DEPDC5: variants seen among roughly 807,000 people sequenced by gnomAD.
DEPDC5 encodes the protein GATOR1 complex protein DEPDC5.
In DEPDC5, 73 loss-of-function variants were observed where a neutral mutation model predicts 217.3. The ratio of observed to expected loss-of-function variants is 0.34; its 90% CI spans 0.28 to 0.41. DEPDC5 has a LOEUF of 0.41. DEPDC5 is among the 10% of genes least tolerant of loss of function. The probability of loss-of-function intolerance (pLI) is 1.00; values close to 1 mark genes in which losing one functional copy is unlikely to be tolerated. For synonymous variants in DEPDC5, 733 were observed against 756.7 expected, an observed-to-expected ratio of 0.97 and a Z score of 0.51; for missense variants, 1,675 against 2,070.1, an observed-to-expected ratio of 0.81 and a Z score of 3.70.
intron 38 of DEPDC5, among the ~76,000 whole-genome samples, chr22:31,881,740 G>A (rs1352677822): frequency 6.6e-6 from 1 of 152,134 alleles, no homozygotes; most frequent in Non-Finnish European, 1.5e-5. Context: ...GAGGTCAGGA[G>A]TTTGAGACCA....
intron 5 of DEPDC5, 102 bp from the exon 6 acceptor site, chr22:31,766,483 C>CT: frequency 8.6e-7 from 1 of 1,166,988 alleles, no homozygotes; most frequent in South Asian, 1.3e-5. Flanking sequence ...CAGTAGTTTT[C>CT]TTTTTTGCAA....
chr22:31,879,862 GGCCGTCACACA>G, intron 38 of DEPDC5, 110 bp downstream of exon 38: 5 of 1,085,578 alleles, frequency 4.6e-6, no homozygotes, highest in Non-Finnish European at 5.3e-6. Context: ...GAGTCGCTGA[GGCCGTCACACA>G]GGCCACTGTG....
intron 7 of DEPDC5, among the ~76,000 whole-genome samples, chr22:31,775,320 CAGG>C (rs2083728617): frequency 6.6e-6 from 1 of 152,070 alleles, no homozygotes; most frequent in Admixed American, 6.6e-5. Context: ...GCTGGGATTA[CAGG>C]CACCTGCCAC....
chr22:31,802,682 G>T (rs1349014817), intron 14 of DEPDC5, 22 bp from the exon 15 acceptor site: 1 of 1,527,126 alleles, frequency 6.5e-7, no homozygotes, highest in East Asian at 2.4e-5. Context: ...TCATTATTGT[G>T]GAATTTTTGT....
At chr22:31,812,161 A>T (rs2088444819) in intron 20 of DEPDC5, among the ~76,000 whole-genome samples, 1 of 148,778 alleles carries the variant, frequency 6.7e-6, no homozygotes. Flanking sequence ...GCTAATTTTT[A>T]TATTTTTTAG....
At chr22:31,879,476 A>C (rs749507935) in intron 37 of DEPDC5, 49 bp from the exon 38 acceptor site, 1 of 1,557,376 alleles carries the variant, frequency 6.4e-7, no homozygotes, top group South Asian at 1.1e-5. Flanking sequence ...TCATGAAGAA[A>C]ATAAGCATTT....
chr22:31,814,902 G>T, intron 20 of DEPDC5, 90 bp from the exon 21 acceptor site: 1 of 1,432,108 alleles, frequency 7.0e-7, no homozygotes, highest in South Asian at 1.2e-5. Flanking sequence ...TGGGTTCCAT[G>T]TGGCTTGGGC....
chr22:31,843,055 A>G, intron 27 of DEPDC5, 40 bp from the exon 28 acceptor site: 1 of 1,458,616 alleles, frequency 6.9e-7, no homozygotes, highest in Non-Finnish European at 9.6e-7. Flanking sequence ...TATAGGAATG[A>G]GCTTCAAACA....
chr22:31,838,552 A>G, intron 26 of DEPDC5, 133 bp from the exon 27 acceptor site: 1 of 1,244,546 alleles, frequency 8.0e-7, no homozygotes, highest in Admixed American at 2.2e-5. Context: ...TGCCCAGCTC[A>G]AACTGTTAGT....
intron 31 of DEPDC5, among the ~76,000 whole-genome samples, chr22:31,847,485 CTCAGGAAACTTACAA>C (rs1286388194): frequency 8.5e-5 from 13 of 152,150 alleles, no homozygotes; most frequent in East Asian, 1.9e-4. Context: ...CTGGGGAGGC[CTCAGGAAACTTACAA>C]TCATGGCAGA....
At chr22:31,837,324 A>G (rs1431112931) in intron 26 of DEPDC5, 169 bp downstream of exon 26, 1 of 659,688 alleles carries the variant, frequency 1.5e-6, no homozygotes, top group East Asian at 3.0e-5. Flanking sequence ...TTAAAAAAAC[A>G]TTGAATTGTA....
At chr22:31,807,985 C>T (rs2087756366) in intron 18 of DEPDC5, among the ~76,000 whole-genome samples, 1 of 152,134 alleles carries the variant, frequency 6.6e-6, no homozygotes, top group African/African-American at 2.4e-5. Flanking sequence ...CTGACATAAG[C>T]CATGTCAGAT....
intron 20 of DEPDC5, among the ~76,000 whole-genome samples, chr22:31,813,332 G>A (rs1432452401): frequency 6.6e-6 from 1 of 152,144 alleles, no homozygotes; most frequent in Non-Finnish European, 1.5e-5. Context: ...AAGATGACAA[G>A]ACCTGGTGGT....
chr22:31,860,754 T>TA (rs373360535), intron 32 of DEPDC5, among the ~76,000 whole-genome samples: 3,655 of 151,236 alleles, frequency 0.024, 88 homozygotes, highest in African/African-American at 0.06. Flanking sequence ...CCCTGTTTGC[T>TA]AAAAAAAAAC....
chr22:31,832,770 G>A (rs1432060801), intron 24 of DEPDC5, among the ~76,000 whole-genome samples: 1 of 152,088 alleles, frequency 6.6e-6, no homozygotes, highest in African/African-American at 2.4e-5. Flanking sequence ...TGGGTTGTTC[G>A]TTTTCTTGCT....
rs370963900 is a variant in DEPDC5 at position 31,759,669 on chromosome 22, G to A, written c.147-987G>A. Among the ~76,000 whole-genome samples, 6 of 132,270 alleles carry A rather than the reference G, an allele frequency of 4.5e-5. No homozygotes were observed. In the South Asian group the frequency reaches 7.2e-4, roughly 16 times the overall value. 86.8% of individuals were successfully genotyped at this position (132,270 alleles called of 152,430 possible). On this transcript the variant is annotated intron_variant, in intron 3 of 42. Transcript: ENST00000651528. ...TTACAGGCATGAGCTACCTTGCCGC[G>A]CCCAGCCTTTTTTTTTTTTTTTTTT...
At chr22:31,768,700 T>C (rs2083042028) in intron 6 of DEPDC5, 114 bp from the exon 7 acceptor site, 1 of 893,528 alleles carries the variant, frequency 1.1e-6, no homozygotes, top group Non-Finnish European at 1.7e-6. Flanking sequence ...ATTAGAAAGC[T>C]AGGAGTTCTT....
chr22:31,861,178 C>CT lies in DEPDC5; in HGVS notation c.3265-175dup, dbSNP rs541299740. Among the ~76,000 whole-genome samples the CT allele has an allele frequency of 1.5e-3, 207 of 141,862 alleles. 2 individuals are homozygous for CT. Among genetic ancestry groups the CT allele is most frequent in the South Asian group, 0.014 (62 of 4,402 alleles). 93.1% of individuals were successfully genotyped at this position (141,862 alleles called of 152,430 possible). A position where few individuals can be genotyped will look rare whatever the true frequency, so the allele number is the denominator to read the frequency against. ...TGGGTGGCGCTCTCTCTCTCTCTCT[C>CT]TTTTTTTTTTTTTTTAATTTTCCCT... On this transcript the variant is annotated intron_variant, in intron 32 of 42. Transcript: ENST00000651528.
intron 24 of DEPDC5, among the ~76,000 whole-genome samples, chr22:31,828,133 A>T (rs2090295638): frequency 1.3e-5 from 2 of 152,094 alleles, no homozygotes; most frequent in African/African-American, 2.4e-5. Context: ...TGTTTTGCTC[A>T]TGACTGTATT....
Sources: allele counts gnomAD v4.1 joint callset (sites outside exome capture counted in the v4.1 genomes callset), GRCh38; gene constraint gnomAD v4.1.1; transcripts MANE v1.5; gene names NCBI Gene and HGNC (gene_info 2026-07-23, HGNC 2026-07-21).